The following SLC9A4 variants were observed in gnomAD, a reference collection of about 807,000 sequenced individuals.
SLC9A4 encodes the protein sodium/hydrogen exchanger 4.
A neutral mutation model predicts 67.4 loss-of-function variants in SLC9A4; 63 were observed. The observed-to-expected ratio is 0.93, with a 90% confidence interval of 0.76 to 1.15. The LOEUF (loss-of-function observed/expected upper bound fraction) is 1.15. Among genes scored for constraint, SLC9A4 ranks in the 50% most tolerant of loss-of-function variants. The pLI, the probability that SLC9A4 is intolerant of heterozygous loss-of-function variation, is 0.00. For missense variants in SLC9A4, 1,089 were observed against 987.7 expected (o/e 1.10, Z -1.38); for synonymous variants, 393 against 367.2 (o/e 1.07, Z -0.80).
chr2:102,519,888 T>C lies in SLC9A4; in HGVS notation c.1751T>C (p.Leu584Pro). The change falls in exon 9 of 12, where the codon CTT (leucine) becomes CCT (proline). Residue 584 changes from leucine to proline, a missense_variant. Physicochemically the swap from Leu to Pro is moderately conservative, Grantham distance 98. Coordinates refer to ENST00000295269, the MANE Select transcript of SLC9A4 (RefSeq NM_001011552.4). ...CAGAGGATACAAGGAATCAAAAGAC[T>C]TTCCCCTGAAGATGTGGAGTCCATA... ...QAQRIQGIKR[L>P]SPEDVESIRD... The C allele has an allele frequency of 6.2e-7, 1 of 1,613,770 alleles. No homozygotes were observed. Among genetic ancestry groups the C allele is most frequent in the South Asian group, 1.1e-5 (1 of 91,082 alleles).
At position 102,483,333 on chromosome 2, in the gene SLC9A4, C is replaced by G. The variant is rs113019292; in HGVS notation, c.720+4031C>G. Among the ~76,000 whole-genome samples the G allele has an allele frequency of 9.4e-3, 1,429 of 152,270 alleles. 27 individuals are homozygous for G. The highest frequency in any genetic ancestry group is 0.033 in the African/African-American group (1,377 of 41,530). ...GAACACAGCTGAAAAGGAACGGGTA[C>G]TTGCTGCCGTCCAGTTGTATTTTGA... On this transcript the variant is annotated intron_variant, in intron 2 of 11. Coordinates refer to ENST00000295269, the MANE Select transcript of SLC9A4 (RefSeq NM_001011552.4).
At chr2:102,517,766 T>C (rs1685303807) in intron 8 of SLC9A4, among the ~76,000 whole-genome samples, 1 of 152,232 alleles carries the variant, frequency 6.6e-6, no homozygotes, top group Admixed American at 6.5e-5. Flanking sequence ...ATGGGAAAGA[T>C]GAACGTTATA....
chr2:102,501,859 T>A (rs1483791855), intron 2 of SLC9A4, among the ~76,000 whole-genome samples: 1 of 151,178 alleles, frequency 6.6e-6, no homozygotes, highest in Non-Finnish European at 1.5e-5. Flanking sequence ...CTTGGAGAGA[T>A]CAGAGTCAAG....
At position 102,533,125 on chromosome 2, in the gene SLC9A4, T is replaced by C. The variant is rs1255641248; in HGVS notation, c.*437T>C. 1 of 160,058 alleles carries C rather than the reference T, an allele frequency of 6.2e-6. No individual in the cohort carries two copies. The highest frequency in any genetic ancestry group is 1.4e-5 in the Non-Finnish European group (1 of 72,060). The allele number at this position is 160,058 out of a possible 1,614,324, so 9.9% of individuals were successfully genotyped here. A position where few individuals can be genotyped will look rare whatever the true frequency, so the allele number is the denominator to read the frequency against. ...CCCCTTGTGTTTACAGACAAGGACA[T>C]GTAGTCCAAGGTTGCATGGTGAGTT... On this transcript the variant is annotated 3_prime_UTR_variant, in exon 12 of 12. Transcript: ENST00000295269.
In SLC9A4 at chr2:102,479,066, G is replaced by A. The variant is rs1309223525; in HGVS notation, c.484G>A (p.Ala162Thr). 1 of 1,614,178 alleles carries A rather than the reference G, an allele frequency of 6.2e-7. No homozygotes were observed. Among genetic ancestry groups the A allele is most frequent in the South Asian group, 1.1e-5 (1 of 91,086 alleles). Reference sequence around the variant, plus strand: ...GAACATCGGCTCCATCCTGTGGTGGGCAGTATTGGGGGCCCTGATCAACGC... The same window carrying A: ...GAACATCGGCTCCATCCTGTGGTGGACAGTATTGGGGGCCCTGATCAACGC... The part of the protein sequence containing the change: ...FENIGSILWW[A>T]VLGALINALG... The change falls in exon 2 of 12, where the codon GCA (alanine) becomes ACA (threonine). Residue 162 changes from alanine to threonine, a missense_variant. Ala to Thr is a moderately conservative substitution (Grantham distance 58). Transcript: ENST00000295269.
At chr2:102,487,433 T>C (rs1253994894) in intron 2 of SLC9A4, among the ~76,000 whole-genome samples, 2 of 152,128 alleles carry the variant, frequency 1.3e-5, no homozygotes, top group African/African-American at 4.8e-5. Flanking sequence ...ACCCCTTTAC[T>C]TCCTGCACTT....
At chr2:102,518,503 C>T (rs544209265) in intron 8 of SLC9A4, among the ~76,000 whole-genome samples, 1 of 152,232 alleles carries the variant, frequency 6.6e-6, no homozygotes, top group South Asian at 2.1e-4. Flanking sequence ...AGGGTGGTAA[C>T]TGTATATCAA....
intron 2 of SLC9A4, among the ~76,000 whole-genome samples, chr2:102,480,236 T>G (rs6543146): frequency 0.61 from 93,207 of 151,878 alleles, 29,051 homozygotes; most frequent in Middle Eastern, 0.69. Context: ...TCCTGTATTT[T>G]TTATATGCAT....
intron 2 of SLC9A4, among the ~76,000 whole-genome samples, chr2:102,497,309 A>G (rs1684830571): frequency 6.6e-6 from 1 of 151,984 alleles, no homozygotes; most frequent in Non-Finnish European, 1.5e-5. Context: ...TAGCCATTGT[A>G]CTCCTAGGTA....
rs61708027 is a variant in SLC9A4 at position 102,491,317 on chromosome 2, C to CTTTTTTTT, written c.720+12043_720+12050dup. Reference sequence around the variant, plus strand: ...ATTTCTCTTCCCATTTGTACTAATGCTTTTTTTTTTTTTTTTTTTTTTTTT... The same window carrying CTTTTTTTT: ...ATTTCTCTTCCCATTTGTACTAATGCTTTTTTTTTTTTTTTTTTTTTTTTTTTTTTTTT... On this transcript the variant is annotated intron_variant, in intron 2 of 11. Coordinates refer to ENST00000295269, the MANE Select transcript of SLC9A4 (RefSeq NM_001011552.4). Among the ~76,000 whole-genome samples, 71 of 45,766 alleles carry CTTTTTTTT rather than the reference C, an allele frequency of 1.6e-3. 13 individuals carry two copies. The highest frequency in any genetic ancestry group is 0.021 in the Middle Eastern group (1 of 48). The allele number at this position is 45,766 out of a possible 152,430, so 30.0% of individuals were successfully genotyped here. A position where few individuals can be genotyped will look rare whatever the true frequency, so the allele number is the denominator to read the frequency against.
At chr2:102,525,425 A>G (rs1033021234) in intron 10 of SLC9A4, among the ~76,000 whole-genome samples, 1 of 151,548 alleles carries the variant, frequency 6.6e-6, no homozygotes, top group Non-Finnish European at 1.5e-5. Flanking sequence ...CTATGAGTCC[A>G]GACACAGACC....
intron 2 of SLC9A4, among the ~76,000 whole-genome samples, chr2:102,488,180 C>T (rs1044626829): frequency 6.6e-6 from 1 of 152,114 alleles, no homozygotes; most frequent in Non-Finnish European, 1.5e-5. Context: ...GCTGTCCCAC[C>T]CCCAACAACA....
chr2:102,481,748 A>G (rs6751282), intron 2 of SLC9A4, among the ~76,000 whole-genome samples: 14,202 of 152,208 alleles, frequency 0.093, 813 homozygotes, highest in Middle Eastern at 0.18. Flanking sequence ...CTAAATTTTT[A>G]TATAGTGAAA....
intron 1 of SLC9A4, among the ~76,000 whole-genome samples, chr2:102,478,016 C>A (rs1684369211): frequency 6.6e-6 from 1 of 152,332 alleles, no homozygotes; most frequent in South Asian, 2.1e-4. Flanking sequence ...CGGTACTTAA[C>A]ATCGTCTTTG....
chr2:102,513,940 A>G, intron 7 of SLC9A4, 150 bp from the exon 8 acceptor site: 6 of 1,113,100 alleles, frequency 5.4e-6, no homozygotes, highest in Non-Finnish European at 4.8e-6. Flanking sequence ...TTTTTAAAAA[A>G]TGTGTTCAAA....
rs10196334 is a variant in SLC9A4 at position 102,473,582 on chromosome 2, T to C, written c.-178T>C. On this transcript the variant is annotated 5_prime_UTR_variant, in exon 1 of 12. Coordinates refer to ENST00000295269, the MANE Select transcript of SLC9A4 (RefSeq NM_001011552.4). ...TGAACACAAACGATTTAAACCAGAT[T>C]AGAAAGTGTCTACATACAGAGCTCA... is the stretch of plus-strand genomic sequence containing the variant. 198,227 of 692,136 alleles carry C rather than the reference T, an allele frequency of 0.29. 30,672 individuals carry two copies. The highest frequency in any genetic ancestry group is 0.39 in the African/African-American group (21,568 of 55,424). 42.9% of individuals were successfully genotyped at this position (692,136 alleles called of 1,614,324 possible). A position where few individuals can be genotyped will look rare whatever the true frequency, so the allele number is the denominator to read the frequency against.
chr2:102,487,004 T>C (rs1009715573), intron 2 of SLC9A4, among the ~76,000 whole-genome samples: 7 of 152,328 alleles, frequency 4.6e-5, no homozygotes, highest in Admixed American at 3.9e-4. Flanking sequence ...GCAAGTGCTT[T>C]ATCTGTGAGG....
At chr2:102,531,422 G>T (rs534001113) in intron 11 of SLC9A4, among the ~76,000 whole-genome samples, 3 of 152,106 alleles carry the variant, frequency 2.0e-5, no homozygotes, top group African/African-American at 7.2e-5. Flanking sequence ...ATCCAAGAGG[G>T]GACATTGCAT....
chr2:102,503,382 T>A, intron 2 of SLC9A4, 66 bp from the exon 3 acceptor site: 2 of 1,382,934 alleles, frequency 1.4e-6, no homozygotes, highest in Non-Finnish European at 1.9e-6. Context: ...AAGCTGAGAA[T>A]GTGCATGCAA....
Sources: allele counts gnomAD v4.1 joint callset (sites outside exome capture counted in the v4.1 genomes callset), GRCh38; gene constraint gnomAD v4.1.1; transcripts MANE v1.5; gene names NCBI Gene and HGNC (gene_info 2026-07-23, HGNC 2026-07-21).